The following TGFB3 variants were observed in gnomAD, a reference collection of about 807,000 sequenced individuals.
TGFB3 encodes transforming growth factor beta-3 proprotein.
TGFB3 carries 5 observed loss-of-function variants against 40.1 expected under a neutral mutation model. The observed-to-expected ratio is 0.12, with a 90% CI of 0.07 to 0.26. The LOEUF (loss-of-function observed/expected upper bound fraction) is 0.26, where lower values mean the gene tolerates loss of function less well. Ranked by LOEUF, TGFB3 falls within the 10% of genes least tolerant of loss-of-function variation. The probability of loss-of-function intolerance (pLI) is 1.00; values close to 1 mark genes in which losing one functional copy is unlikely to be tolerated. For missense variants in TGFB3, 373 were observed against 530.1 expected (o/e 0.70, Z 2.91); for synonymous variants, 184 against 205.6 (o/e 0.89, Z 0.90).
intron 3 of TGFB3, among the ~76,000 whole-genome samples, chr14:75,969,025 C>T (rs1428410232): frequency 6.6e-6 from 1 of 152,182 alleles, no homozygotes; most frequent in African/African-American, 2.4e-5. Flanking sequence ...CGGTACTCAT[C>T]TCTGACGGAT....
chr14:75,966,832 G>T (rs1336547852), intron 3 of TGFB3: 1 of 152,256 alleles, frequency 6.6e-6, no homozygotes, highest in Non-Finnish European at 1.5e-5. Context: ...GTTTTACACA[G>T]AAAACCAGGT....
chr14:75,959,768 CAAAA>C (rs893308421), intron 6 of TGFB3, among the ~76,000 whole-genome samples: 2 of 137,342 alleles, frequency 1.5e-5, no homozygotes, highest in Non-Finnish European at 3.1e-5. Flanking sequence ...GAGTCTGTCT[CAAAA>C]AAAAGAAAAA....
chr14:75,963,112 T>C (rs1007062875), intron 5 of TGFB3: 4 of 661,884 alleles, frequency 6.0e-6, no homozygotes, highest in Non-Finnish European at 1.1e-5. Flanking sequence ...AGTTAGCCTA[T>C]GGAAAAACAG....
At chr14:75,961,220 G>A (rs984374830) in intron 5 of TGFB3, 144 bp from the exon 6 acceptor site, 7 of 918,268 alleles carry the variant, frequency 7.6e-6, no homozygotes, top group East Asian at 5.3e-5. Context: ...AAGGGCATGG[G>A]GCAGAAGAAA....
rs2035109084 is a variant in TGFB3, at chr14:75,958,189, G to T, written c.*998C>A. 1.3e-5 allele frequency: 2 copies of T among 152,658 alleles called. No homozygotes were observed. Among genetic ancestry groups the T allele is most frequent in the African/African-American group, 4.8e-5 (2 of 41,460 alleles). The allele number at this position is 152,658 out of a possible 1,614,324, so 9.5% of individuals were successfully genotyped here. A position where few individuals can be genotyped will look rare whatever the true frequency, so the allele number is the denominator to read the frequency against. ...CCCCAAAAATATTTATTTATACAAA[G>T]ATTTTGAGAGTAATATTCATACTTG... is the stretch of plus-strand genomic sequence containing the variant. On this transcript the variant is annotated 3_prime_UTR_variant, in exon 7 of 7. Coordinates refer to ENST00000238682, the MANE Select transcript of TGFB3 (RefSeq NM_003239.5).
Position 75,971,312 on chromosome 14 carries a change from T to C in TGFB3, c.517-57A>G. 1 of 1,613,018 alleles carries C rather than the reference T, an allele frequency of 6.2e-7. No individual in the cohort carries two copies. The highest frequency in any genetic ancestry group is 1.7e-4 in the Middle Eastern group (1 of 6,016). On this transcript the variant is annotated intron_variant, in intron 2 of 6. Transcript: ENST00000238682. The surrounding 1 kb of genome is among the most constrained non-coding windows in gnomAD (Gnocchi z 4.5). ...GACCAGGACAGAGTGCCCCAGAAGA[T>C]GTCACAATGCAGAGCACAGGTGAGG...
chr14:75,965,551 C>T, intron 4 of TGFB3, 37 bp downstream of exon 4: 1 of 1,549,526 alleles, frequency 6.5e-7, no homozygotes, highest in Non-Finnish European at 8.9e-7. Context: ...ACTTCCCCCC[C>T]ACTCACCCAT....
intron 6 of TGFB3, 74 bp from the exon 7 acceptor site, chr14:75,959,419 CA>C (rs1227304599): frequency 1.9e-6 from 3 of 1,583,416 alleles, no homozygotes; most frequent in Admixed American, 1.7e-5. Flanking sequence ...CGCCCAGTTC[CA>C]GGGGCAGTCC....
At chr14:75,961,224 G>T in intron 5 of TGFB3, 148 bp from the exon 6 acceptor site, 1 of 852,564 alleles carries the variant, frequency 1.2e-6, no homozygotes, top group Non-Finnish European at 1.9e-6. Flanking sequence ...GCATGGGGCA[G>T]AAGAAACCAG....
intron 6 of TGFB3, among the ~76,000 whole-genome samples, chr14:75,959,679 G>T (rs1337690593): frequency 1.3e-5 from 2 of 151,924 alleles, no homozygotes; most frequent in Non-Finnish European, 2.9e-5. Context: ...GCTGAGGTGG[G>T]AGGATCACCT....
chr14:75,980,776 C>G lies in TGFB3; in HGVS notation c.118G>C (p.Val40Leu). 6.2e-7 allele frequency: 1 copy of G among 1,614,164 alleles called. No homozygotes were observed. Among genetic ancestry groups the G allele is most frequent in the Non-Finnish European group, 8.5e-7 (1 of 1,180,030 alleles). ...AAGATCTGTCCCCTAATGGCTTCCA[C>G]CCTCTTCTTCTTGATGTGGCCGAAG... ...LDFGHIKKKR[V>L]EAIRGQILSK... Residue 40 changes from valine to leucine, a missense_variant, in exon 1 of 7, where the codon GTG (valine) becomes CTG (leucine). Val to Leu is a conservative substitution (Grantham distance 32, BLOSUM62 1). Transcript: ENST00000238682. The surrounding 1 kb of genome is among the most constrained non-coding windows in gnomAD (Gnocchi z 4.3).
In TGFB3 at chr14:75,958,119, A is replaced by T. The variant is rs1370971517; in HGVS notation, c.*1068T>A. Reference sequence around the variant, plus strand: ...ACATACACCTTAGAATAAGGCTTTTACTGTTCTAGAAACAATATTCCAGAA... The same window carrying T: ...ACATACACCTTAGAATAAGGCTTTTTCTGTTCTAGAAACAATATTCCAGAA... On this transcript the variant is annotated 3_prime_UTR_variant, in exon 7 of 7. Transcript: ENST00000238682. 1 of 152,646 alleles carries T rather than the reference A, an allele frequency of 6.6e-6. No individual in the cohort carries two copies. Among genetic ancestry groups the T allele is most frequent in the Non-Finnish European group, 1.5e-5 (1 of 68,050 alleles). 9.5% of individuals were successfully genotyped at this position (152,646 alleles called of 1,614,324 possible).
At chr14:75,977,910 T>G (rs3917159) in intron 1 of TGFB3, among the ~76,000 whole-genome samples, 6,326 of 152,110 alleles carry the variant, frequency 0.042, 452 homozygotes, top group African/African-American at 0.14. Context: ...ATGTCTAGGT[T>G]AGGGTCCCTG....
rs2035434698 is a variant in TGFB3 at position 75,981,584 on chromosome 14, T to A, written c.-691A>T. On this transcript the variant is annotated 5_prime_UTR_variant, in exon 1 of 7. Coordinates refer to ENST00000238682, the MANE Select transcript of TGFB3 (RefSeq NM_003239.5). The surrounding 1 kb of genome is among the most constrained non-coding windows in gnomAD (Gnocchi z 4.7). ...TACACTTCCTCGGGGGCTTTCTAAATGACTTTGTTCACGCTGCCTCTCGTC... is the reference window on the plus strand; with the variant it reads ...TACACTTCCTCGGGGGCTTTCTAAAAGACTTTGTTCACGCTGCCTCTCGTC... 6.4e-6 allele frequency: 1 copy of A among 156,136 alleles called. No homozygotes were observed. Among genetic ancestry groups the A allele is most frequent in the Non-Finnish European group, 1.4e-5 (1 of 70,418 alleles). 9.7% of individuals were successfully genotyped at this position (156,136 alleles called of 1,614,324 possible).
rs1286207664 is a variant in TGFB3 at position 75,965,628 on chromosome 14, G to A, written c.714C>T (p.Ile238=). Residue 238 remains isoleucine, a synonymous_variant, in exon 4 of 7, where the codon ATC becomes ATT. Coordinates refer to ENST00000238682, the MANE Select transcript of TGFB3 (RefSeq NM_003239.5). ...CCATCACCTCGTGAATGTTTTCCAG[G>A]ATATCTCCATTGGGCTGAAAGGTGT... ...PCHTFQPNGD[I]LENIHEVMEI... 1.9e-6 allele frequency: 3 copies of A among 1,614,068 alleles called. No individual in the cohort carries two copies. Among genetic ancestry groups the A allele is most frequent in the Non-Finnish European group, 2.5e-6 (3 of 1,180,004 alleles).
chr14:75,969,241 G>A (rs2035257756), intron 3 of TGFB3, among the ~76,000 whole-genome samples: 1 of 152,176 alleles, frequency 6.6e-6, no homozygotes, highest in Non-Finnish European at 1.5e-5. Context: ...ACCTGCCTCA[G>A]GGACTCTGGG....
Position 75,979,483 on chromosome 14 carries a change from C to G in TGFB3, c.352+1059G>C, listed in dbSNP as rs147467814. 1.8e-4 allele frequency among the ~76,000 whole-genome samples: 28 copies of G among 152,216 alleles called. No individual in the cohort carries two copies. Among genetic ancestry groups the G allele is most frequent in the South Asian group, 6.2e-4 (3 of 4,834 alleles). On this transcript the variant is annotated intron_variant, in intron 1 of 6. Transcript: ENST00000238682. This position sits in a 1 kb window ranked among gnomAD's most constrained non-coding sequence, Gnocchi z 4.8. ...CAAACAGAGCTGCTCCCGGAGTCTA[C>G]GGCCCACGAGTGGCTCACATTCCTC...
intron 4 of TGFB3, among the ~76,000 whole-genome samples, chr14:75,964,733 T>G (rs2035201481): frequency 6.6e-6 from 1 of 152,222 alleles, no homozygotes; most frequent in Admixed American, 6.5e-5. Flanking sequence ...GGTTTCATCC[T>G]AAGCTGGCCT....
At chr14:75,961,200 TC>T in intron 5 of TGFB3, 124 bp from the exon 6 acceptor site, 1 of 1,154,538 alleles carries the variant, frequency 8.7e-7, no homozygotes, top group Non-Finnish European at 1.3e-6. Flanking sequence ...ATCAATGGAA[TC>T]CCAGGTTCAA....
Sources: allele counts gnomAD v4.1 joint callset (sites outside exome capture counted in the v4.1 genomes callset), GRCh38; gene constraint gnomAD v4.1.1; non-coding constraint Gnocchi (gnomAD v3.1); transcripts MANE v1.5; gene names NCBI Gene and HGNC (gene_info 2026-07-23, HGNC 2026-07-21).